Variants in PCDHGA9 observed in about 807,000 individuals in gnomAD.
The protein encoded by PCDHGA9 is protocadherin gamma subfamily A, 9.
A neutral mutation model predicts 62.5 loss-of-function variants in PCDHGA9; 37 were observed. The ratio of observed to expected loss-of-function variants is 0.59; its 90% CI spans 0.46 to 0.78. The LOEUF (loss-of-function observed/expected upper bound fraction) is 0.78. Ranked by LOEUF, PCDHGA9 falls within the 30% of genes least tolerant of loss-of-function variation. PCDHGA9 has a pLI of 0.00. For missense variants in PCDHGA9, 1,138 were observed against 1,166.2 expected (o/e 0.98, Z 0.35); for synonymous variants, 459 against 484.6 (o/e 0.95, Z 0.69).
rs774354457 is a variant in PCDHGA9 at position 141,409,462 on chromosome 5, CA to C, written c.2424+4087del. 8.1e-6 allele frequency: 13 copies of C among 1,613,870 alleles called. No individual in the cohort carries two copies. The East Asian group carries it at 2.9e-4, about 36-fold the overall frequency. On this transcript the variant is annotated intron_variant, in intron 1 of 3. Coordinates refer to ENST00000573521, the MANE Select transcript of PCDHGA9 (RefSeq NM_018921.3). ...GAGAGCAGACACCAGAATACAATGT[CA>C]CCATCGTAGCCACTGACAGGGGCAA... is the stretch of plus-strand genomic sequence containing the variant.
At chr5:141,503,010 A>AT (rs199924715) in intron 2 of PCDHGA9, among the ~76,000 whole-genome samples, 26,593 of 146,658 alleles carry the variant, frequency 0.18, 2,532 homozygotes, top group Admixed American at 0.29. Context: ...TGCCCGGTTA[A>AT]TTTTTTTTTT....
intron 1 of PCDHGA9, among the ~76,000 whole-genome samples, chr5:141,448,629 C>T (rs1188418541): frequency 6.6e-6 from 1 of 152,060 alleles, no homozygotes; most frequent in Non-Finnish European, 1.5e-5. Flanking sequence ...CCTTTCTTCA[C>T]ATTATATCCT....
Position 141,432,295 on chromosome 5 carries a change from G to A in PCDHGA9, c.2424+26919G>A. 6.2e-7 allele frequency: 1 copy of A among 1,614,222 alleles called. No individual in the cohort carries two copies. The highest frequency in any genetic ancestry group is 8.5e-7 in the Non-Finnish European group (1 of 1,180,034). ...ACGTGTCCATCAACTCCGACACTGG[G>A]GTACTGTATGCGCTGAGCTCCTTCG... is the stretch of plus-strand genomic sequence containing the variant. On this transcript the variant is annotated intron_variant, in intron 1 of 3. Coordinates refer to ENST00000573521, the MANE Select transcript of PCDHGA9 (RefSeq NM_018921.3). This position sits in a 1 kb window ranked among gnomAD's most constrained non-coding sequence, Gnocchi z 6.0.
intron 1 of PCDHGA9, chr5:141,408,915 A>T (rs2095192273): frequency 1.2e-6 from 2 of 1,613,004 alleles, no homozygotes; most frequent in South Asian, 2.2e-5. Context: ...ACCAATGATA[A>T]CCCCCCGGTT....
chr5:141,476,367 G>C lies in PCDHGA9; in HGVS notation c.2425-18440G>C, dbSNP rs754652710. ...TTCTTTGAGGTGAACCGGGAGACCG[G>C]AGAGATGTTTGTGAACGACCGTCTG... On this transcript the variant is annotated intron_variant, in intron 1 of 3. Transcript: ENST00000573521. This position sits in a 1 kb window ranked among gnomAD's most constrained non-coding sequence, Gnocchi z 7.6. 6.2e-7 allele frequency: 1 copy of C among 1,614,172 alleles called. No homozygotes were observed. Among genetic ancestry groups the C allele is most frequent in the Non-Finnish European group, 8.5e-7 (1 of 1,180,036 alleles).
chr5:141,505,348 G>C, intron 2 of PCDHGA9, 45 bp from the exon 3 acceptor site: 1 of 1,613,358 alleles, frequency 6.2e-7, no homozygotes, highest in Non-Finnish European at 8.5e-7. Flanking sequence ...GGCATGAGCT[G>C]TGCCGGCCTG....
intron 1 of PCDHGA9, among the ~76,000 whole-genome samples, chr5:141,447,898 C>T (rs531933709): frequency 3.1e-3 from 465 of 152,088 alleles, no homozygotes; most frequent in Non-Finnish European, 5.5e-3. Context: ...CCAGCCTGGC[C>T]AACATGGTGA....
rs1269483770 is a variant in PCDHGA9, at chr5:141,403,624, C to T, written c.672C>T (p.Ser224=). 3 of 1,613,924 alleles carry T rather than the reference C, an allele frequency of 1.9e-6. No homozygotes were observed. The change falls in exon 1 of 4, where the codon AGC becomes AGT. Residue 224 remains serine (S), a synonymous_variant. Transcript: ENST00000573521. The part of the protein sequence containing the change: ...ASDGGEPRRS[S]TVRIHVTVLD... ...ATGGCGGCGAGCCGCGTCGCTCCAGCACAGTGCGCATCCATGTGACAGTGT... is the reference window on the plus strand; with the variant it reads ...ATGGCGGCGAGCCGCGTCGCTCCAGTACAGTGCGCATCCATGTGACAGTGT...
intron 1 of PCDHGA9, among the ~76,000 whole-genome samples, chr5:141,460,577 TGTG>T (rs2098992364): frequency 6.6e-6 from 1 of 152,094 alleles, no homozygotes; most frequent in African/African-American, 2.4e-5. Context: ...CATATGTAGG[TGTG>T]GGTTTTTTCT....
intron 1 of PCDHGA9, among the ~76,000 whole-genome samples, chr5:141,484,752 A>G (rs181317421): frequency 6.6e-5 from 10 of 151,098 alleles, no homozygotes; most frequent in Admixed American, 3.3e-4. Context: ...AAAAAAATGT[A>G]TATATATATA....
intron 1 of PCDHGA9, among the ~76,000 whole-genome samples, chr5:141,435,462 T>G (rs1206913100): frequency 6.6e-6 from 1 of 152,230 alleles, no homozygotes; most frequent in Non-Finnish European, 1.5e-5. Flanking sequence ...TGTATGTGTT[T>G]CCAAGTTAGA....
In PCDHGA9 at chr5:141,403,341, C is replaced by T. The variant is rs1279947533; in HGVS notation, c.389C>T (p.Ala130Val). 6.2e-7 allele frequency: 1 copy of T among 1,613,988 alleles called. No homozygotes were observed. Among genetic ancestry groups the T allele is most frequent in the Non-Finnish European group, 8.5e-7 (1 of 1,179,898 alleles). Reference sequence around the variant, plus strand: ...GAAGTAACTGATATTAACGACAGCGCCCCAAAGTTCCAGGCCGAAAGTCTG... The same window carrying T: ...GAAGTAACTGATATTAACGACAGCGTCCCAAAGTTCCAGGCCGAAAGTCTG... ...EIEVTDINDS[A>V]PKFQAESLEV... is the part of the protein sequence containing the mutation. Residue 130 changes from alanine (A) to valine (V), a missense_variant, in exon 1 of 4, where the codon GCC becomes GTC. Transcript: ENST00000573521.
intron 1 of PCDHGA9, chr5:141,423,389 A>G (rs568843632): frequency 2.5e-6 from 4 of 1,614,160 alleles, no homozygotes; most frequent in Admixed American, 1.7e-5. Flanking sequence ...TGGCGCTGGC[A>G]TAAGTCACGC....
At chr5:141,509,344 T>A (rs2099876374) in intron 3 of PCDHGA9, among the ~76,000 whole-genome samples, 1 of 152,202 alleles carries the variant, frequency 6.6e-6, no homozygotes, top group Admixed American at 6.5e-5. Flanking sequence ...GGGCCTGGGC[T>A]GGCCTGGGCA....
At chr5:141,458,630 C>T (rs575289408) in intron 1 of PCDHGA9, among the ~76,000 whole-genome samples, 1 of 151,864 alleles carries the variant, frequency 6.6e-6, no homozygotes, top group Admixed American at 6.6e-5. Flanking sequence ...AGTGCAGTGG[C>T]ACAATCCCAG....
chr5:141,421,680 G>A (rs2096591907), intron 1 of PCDHGA9: 5 of 1,613,758 alleles, frequency 3.1e-6, no homozygotes, highest in Non-Finnish European at 4.2e-6. Context: ...TTCCTGGGGC[G>A]CGATTTGCTC....
Position 141,431,478 on chromosome 5 carries a change from C to T in PCDHGA9, c.2424+26102C>T, listed in dbSNP as rs1163422580. On this transcript the variant is annotated intron_variant, in intron 1 of 3. Coordinates refer to ENST00000573521, the MANE Select transcript of PCDHGA9 (RefSeq NM_018921.3). The surrounding 1 kb of genome is among the most constrained non-coding windows in gnomAD (Gnocchi z 4.8). ...GTTCTGGATGCGAACGACAACGCAC[C>T]AGCGTTTGCTCAGCCCGAGTACCGC... The T allele has an allele frequency of 6.2e-7, 1 of 1,613,748 alleles. No individual in the cohort carries two copies. The highest frequency in any genetic ancestry group is 8.5e-7 in the Non-Finnish European group (1 of 1,179,976).
chr5:141,491,291 C>T lies in PCDHGA9; in HGVS notation c.2425-3516C>T. 1 of 1,614,152 alleles carries T rather than the reference C, an allele frequency of 6.2e-7. No homozygotes were observed. The highest frequency in any genetic ancestry group is 8.5e-7 in the Non-Finnish European group (1 of 1,179,974). On this transcript the variant is annotated intron_variant, in intron 1 of 3. Coordinates refer to ENST00000573521, the MANE Select transcript of PCDHGA9 (RefSeq NM_018921.3). This position sits in a 1 kb window ranked among gnomAD's most constrained non-coding sequence, Gnocchi z 6.9. The stretch of plus-strand genomic sequence containing the variant: ...AAATCCAGTGACTTCCTCATACACC[C>T]TCCTGAGCGTTCAGACCTTACCCTT...
chr5:141,476,535 T>C lies in PCDHGA9; in HGVS notation c.2425-18272T>C. 5 of 1,614,038 alleles carry C rather than the reference T, an allele frequency of 3.1e-6. No individual in the cohort carries two copies. The highest frequency in any genetic ancestry group is 4.2e-6 in the Non-Finnish European group (5 of 1,180,010). On this transcript the variant is annotated intron_variant, in intron 1 of 3. Coordinates refer to ENST00000573521, the MANE Select transcript of PCDHGA9 (RefSeq NM_018921.3). The surrounding 1 kb of genome is among the most constrained non-coding windows in gnomAD (Gnocchi z 7.6). ...AATCCTGCTTTCCCTACCCAGGAAA[T>C]GAAATTGGAGATTAGCGAGGCCGTG...
Sources: allele counts gnomAD v4.1 joint callset (sites outside exome capture counted in the v4.1 genomes callset), GRCh38; gene constraint gnomAD v4.1.1; non-coding constraint Gnocchi (gnomAD v3.1); transcripts MANE v1.5; gene names NCBI Gene and HGNC (gene_info 2026-07-23, HGNC 2026-07-21).